Variants in DLEC1 observed in about 807,000 individuals in gnomAD.
DLEC1 encodes deleted in lung and esophageal cancer protein 1.
In DLEC1, 146 loss-of-function variants were observed where a neutral mutation model predicts 198.1. The ratio of observed to expected loss-of-function variants is 0.74; its 90% CI spans 0.64 to 0.85. The LOEUF is 0.85. Ranked by LOEUF, DLEC1 falls within the 40% of genes least tolerant of loss-of-function variation. The pLI, the probability that DLEC1 is intolerant of heterozygous loss-of-function variation, is 0.00. For missense variants in DLEC1, 2,233 were observed against 2,220.0 expected (o/e 1.01, Z -0.12); for synonymous variants, 897 against 866.8 (o/e 1.03, Z -0.61).
intron 1 of DLEC1, 81 bp from the exon 2 acceptor site, chr3:38,045,462 T>C: frequency 6.6e-7 from 1 of 1,508,120 alleles, no homozygotes; most frequent in South Asian, 1.3e-5. Flanking sequence ...GAAGCCCTGA[T>C]CCTGGGGTAG....
chr3:38,110,293 T>C lies in DLEC1; in HGVS notation c.3443+12T>C. 1 of 1,613,882 alleles carries C rather than the reference T, an allele frequency of 6.2e-7. No homozygotes were observed. On this transcript the variant is annotated intron_variant, in intron 23 of 36. Coordinates refer to ENST00000308059, the MANE Select transcript of DLEC1 (RefSeq NM_007335.4). ...AAAAAGACCAGCCTGTAAGTCTTGCTTCTTTCACTTCCCAGGGCAGATGAA... is the reference window on the plus strand; with the variant it reads ...AAAAAGACCAGCCTGTAAGTCTTGCCTCTTTCACTTCCCAGGGCAGATGAA...
chr3:38,046,021 C>A (rs1700870773), intron 2 of DLEC1, among the ~76,000 whole-genome samples: 1 of 152,100 alleles, frequency 6.6e-6, no homozygotes, highest in Non-Finnish European at 1.5e-5. Flanking sequence ...AAATGATGGA[C>A]ACTGCAATGG....
intron 6 of DLEC1, among the ~76,000 whole-genome samples, chr3:38,078,804 C>T (rs564583286): frequency 1.2e-4 from 18 of 152,122 alleles, no homozygotes; most frequent in African/African-American, 2.7e-4. Context: ...GTATTGAGGA[C>T]AGGAGAGTAT....
Position 38,117,071 on chromosome 3 carries a change from G to A in DLEC1, c.4276G>A (p.Ala1426Thr), listed in dbSNP as rs898667241. 21 of 1,613,956 alleles carry A rather than the reference G, an allele frequency of 1.3e-5. No homozygotes were observed. Among genetic ancestry groups the A allele is most frequent in the African/African-American group, 4.0e-5 (3 of 74,914 alleles). Residue 1426 changes from alanine to threonine, a missense_variant, in exon 30 of 37, where the codon GCC (alanine) becomes ACC (threonine). Transcript: ENST00000308059. The stretch of plus-strand genomic sequence containing the variant: ...GCACAAGGTGGAGTGTACTGGCTAC[G>A]CCCTGGGTTTCATGAGCTTGGACAG... Reference protein sequence around the residue: ...ILHKVECTGYALGFMSLDSKV... With the variant: ...ILHKVECTGYTLGFMSLDSKV...
At chr3:38,075,982 A>T (rs1021431728) in intron 6 of DLEC1, among the ~76,000 whole-genome samples, 3 of 152,198 alleles carry the variant, frequency 2.0e-5, no homozygotes, top group African/African-American at 7.2e-5. Context: ...ACGTGGGTGA[A>T]TAATCAGAGA....
rs369553775 is a variant in DLEC1 at position 38,097,920 on chromosome 3, G to C, written c.2724+18G>C. 3.7e-6 allele frequency: 6 copies of C among 1,613,970 alleles called. No homozygotes were observed. In the Middle Eastern group the frequency reaches 8.2e-4, roughly 222 times the overall value. ...CTGAGGATGTAAGTCAGGCACTGCT[G>C]GTTCCTCTGGTGCCCCCACAATGAG... On this transcript the variant is annotated intron_variant, in intron 18 of 36. Coordinates refer to ENST00000308059, the MANE Select transcript of DLEC1 (RefSeq NM_007335.4).
At chr3:38,069,134 G>T (rs1697182044) in intron 6 of DLEC1, among the ~76,000 whole-genome samples, 1 of 152,114 alleles carries the variant, frequency 6.6e-6, no homozygotes. Flanking sequence ...GTGGGAAATG[G>T]CAGGATGGGG....
intron 6 of DLEC1, among the ~76,000 whole-genome samples, chr3:38,065,193 T>A (rs1696951612): frequency 6.6e-6 from 1 of 152,164 alleles, no homozygotes; most frequent in African/African-American, 2.4e-5. Context: ...CGAAAACCAG[T>A]CATGCGTGGC....
In DLEC1 at chr3:38,116,850, G is replaced by A. The variant is rs756551929; in HGVS notation, c.4140G>A (p.Val1380=). The change falls in exon 29 of 37, where the codon GTG becomes GTA. Residue 1380 remains valine, a synonymous_variant. Coordinates refer to ENST00000308059, the MANE Select transcript of DLEC1 (RefSeq NM_007335.4). ...ISVILQAHEG[V]PSGHLYCISP... ...TCATCCTGCAGGCACATGAGGGGGTGCCCTCCGGCCACCTGTACTGTATCA... is the reference window on the plus strand; with the variant it reads ...TCATCCTGCAGGCACATGAGGGGGTACCCTCCGGCCACCTGTACTGTATCA... 3.7e-6 allele frequency: 6 copies of A among 1,613,608 alleles called. No individual in the cohort carries two copies. Among genetic ancestry groups the A allele is most frequent in the Non-Finnish European group, 5.1e-6 (6 of 1,179,870 alleles).
chr3:38,060,044 T>C (rs759797688), intron 3 of DLEC1, among the ~76,000 whole-genome samples, 192 bp downstream of exon 3: 3 of 152,224 alleles, frequency 2.0e-5, no homozygotes, highest in Non-Finnish European at 4.4e-5. Context: ...CTCCCCCGCC[T>C]GTATGACTGA....
Position 38,121,608 on chromosome 3 carries a change from G to C in DLEC1, c.4867-20G>C. On this transcript the variant is annotated intron_variant, in intron 34 of 36. Transcript: ENST00000308059. ...CTCAGAGCCCACCCAGAATGGACAA[G>C]GTTGCCTGGTCTCCCACAGGTGGTG... The C allele has an allele frequency of 6.2e-7, 1 of 1,609,922 alleles. No homozygotes were observed. Among genetic ancestry groups the C allele is most frequent in the Non-Finnish European group, 8.5e-7 (1 of 1,178,624 alleles).
At chr3:38,094,639 C>G (rs1020450461) in intron 12 of DLEC1, among the ~76,000 whole-genome samples, 4 of 152,212 alleles carry the variant, frequency 2.6e-5, no homozygotes, top group Admixed American at 2.6e-4. Context: ...CAACCTCCAG[C>G]TGCCATGGCT....
At chr3:38,118,962 C>T (rs778125812) in intron 33 of DLEC1, among the ~76,000 whole-genome samples, 10 of 152,298 alleles carry the variant, frequency 6.6e-5, no homozygotes, top group South Asian at 2.1e-4. Flanking sequence ...GGGACACACA[C>T]GGATCTGCAG....
chr3:38,076,976 A>C (rs1379053021), intron 6 of DLEC1, among the ~76,000 whole-genome samples: 1 of 152,152 alleles, frequency 6.6e-6, no homozygotes, highest in Non-Finnish European at 1.5e-5. Flanking sequence ...GTGTAGAATT[A>C]TTGGTGATGG....
intron 19 of DLEC1, 57 bp from the exon 20 acceptor site, chr3:38,107,527 G>A (rs1446791732): frequency 1.3e-5 from 19 of 1,459,650 alleles, no homozygotes; most frequent in Non-Finnish European, 1.6e-5. Context: ...CTAGAAATAG[G>A]GACAGCTTTA....
chr3:38,059,703 G>A (rs1409351767), intron 2 of DLEC1, 39 bp from the exon 3 acceptor site: 1 of 1,570,382 alleles, frequency 6.4e-7, no homozygotes, highest in South Asian at 1.1e-5. Context: ...AAGTCAGTCT[G>A]GCTGGAAACA....
chr3:38,040,375 G>C (rs974162604), intron 1 of DLEC1, among the ~76,000 whole-genome samples: 4 of 152,202 alleles, frequency 2.6e-5, no homozygotes, highest in Non-Finnish European at 4.4e-5. Flanking sequence ...GGATTCAGCA[G>C]TGAATAAAAA....
intron 19 of DLEC1, chr3:38,103,123 A>T (rs1474703962): frequency 2.0e-5 from 3 of 152,226 alleles, no homozygotes; most frequent in Non-Finnish European, 4.4e-5. Context: ...CTAATTTCTC[A>T]TCACCCATTT....
intron 1 of DLEC1, among the ~76,000 whole-genome samples, chr3:38,045,014 T>C (rs1700819272): frequency 1.3e-5 from 2 of 152,204 alleles, no homozygotes; most frequent in Admixed American, 1.3e-4. Context: ...AGCATGTTGC[T>C]CTGAAGAGAG....
Sources: gnomAD v4.1 joint callset for allele counts (sites outside exome capture counted in the v4.1 genomes callset) on GRCh38, gnomAD v4.1.1 for gene constraint, MANE v1.5 for transcripts, NCBI Gene and HGNC (gene_info 2026-07-23, HGNC 2026-07-21) for gene names.